Variants in ACTN3 observed in about 807,000 individuals in gnomAD.
The protein encoded by ACTN3 is alpha-actinin-3.
ACTN3 carries 91 observed loss-of-function variants against 119.6 expected under a neutral mutation model. The observed-to-expected ratio is 0.76, with a 90% CI of 0.64 to 0.91. ACTN3 has a LOEUF of 0.91. Among genes scored for constraint, ACTN3 ranks in the 40% least tolerant of loss-of-function variants. The probability of loss-of-function intolerance (pLI) is 0.00; values close to 1 mark genes in which losing one functional copy is unlikely to be tolerated. For missense variants in ACTN3, 1,221 were observed against 1,215.1 expected, an observed-to-expected ratio of 1.00 and a Z score of -0.07; for synonymous variants, 456 against 478.8, an observed-to-expected ratio of 0.95 and a Z score of 0.62.
intron 19 of ACTN3, 46 bp from the exon 20 acceptor site, chr11:66,562,750 T>C (rs1857811814): frequency 6.4e-7 from 1 of 1,551,432 alleles, no homozygotes; most frequent in African/African-American, 1.4e-5. Flanking sequence ...GGAGCCCTCC[T>C]GGCTTTAGTG....
In ACTN3 at chr11:66,552,024, C is replaced by T. The variant is rs571421589; in HGVS notation, c.382+377C>T. ...CTGGGAGGTGGAGCTTGCAGTGAGCCGAGATCACACCACTGCACTCCAGCC... is the reference window on the plus strand; with the variant it reads ...CTGGGAGGTGGAGCTTGCAGTGAGCTGAGATCACACCACTGCACTCCAGCC... On this transcript the variant is annotated intron_variant, in intron 3 of 20. Transcript: ENST00000513398. 1.1e-4 allele frequency among the ~76,000 whole-genome samples: 16 copies of T among 148,968 alleles called. No individual in the cohort carries two copies. The East Asian group carries it at 2.2e-3, about 20-fold the overall frequency.
At chr11:66,553,577 A>G (rs1336386272) in intron 3 of ACTN3, among the ~76,000 whole-genome samples, 1 of 151,416 alleles carries the variant, frequency 6.6e-6, no homozygotes, top group East Asian at 1.9e-4. Flanking sequence ...AAAAAAAAAG[A>G]AAAGAAAAAG....
In ACTN3 at chr11:66,559,329, A is replaced by G; in HGVS notation, c.1370A>G (p.Asp457Gly). 1 of 1,576,804 alleles carries G rather than the reference A, an allele frequency of 6.3e-7. No individual in the cohort carries two copies. The highest frequency in any genetic ancestry group is 8.6e-7 in the Non-Finnish European group (1 of 1,164,000). ...LLRRHEAFESDLAAHQDRVEH... is the reference protein window; with the variant it reads ...LLRRHEAFESGLAAHQDRVEH... ...CGGCGCCACGAGGCCTTTGAGAGCG[A>G]CCTGGCGGCGCACCAGGACCGCGTG... The change falls in exon 12 of 21, where the codon GAC (aspartate) becomes GGC (glycine). Residue 457 changes from aspartate to glycine, a missense_variant. Asp to Gly is a moderately conservative substitution (Grantham distance 94, BLOSUM62 -1). Around this residue, in one of 3 missense-constraint regions of ACTN3, gnomAD observed 934 missense variants for 899.9 expected, o/e 1.04. Transcript: ENST00000513398.
chr11:66,553,506 G>A (rs142627911), intron 3 of ACTN3, among the ~76,000 whole-genome samples: 1,939 of 151,892 alleles, frequency 0.013, 46 homozygotes, highest in African/African-American at 0.045. Flanking sequence ...AGTGAGCTGA[G>A]ATTGCACCAC....
intron 3 of ACTN3, among the ~76,000 whole-genome samples, chr11:66,552,594 C>A (rs532059053): frequency 6.6e-6 from 1 of 151,954 alleles, no homozygotes; most frequent in South Asian, 2.1e-4. Flanking sequence ...CAGTGGCTCA[C>A]CCCTGTATTC....
At position 66,559,823 on chromosome 11, in the gene ACTN3, T is replaced by G. The variant is rs563373202; in HGVS notation, c.1428-145T>G. Reference sequence around the variant, plus strand: ...AGGGATGCGCTGGTACCGCCCCTCTTGGAAAGCACCCAGCTTTACCCACCA... The same window carrying G: ...AGGGATGCGCTGGTACCGCCCCTCTGGGAAAGCACCCAGCTTTACCCACCA... On this transcript the variant is annotated intron_variant, in intron 12 of 20. Transcript: ENST00000513398. The G allele has an allele frequency of 5.7e-5, 47 of 820,480 alleles. No homozygotes were observed. In the South Asian group the frequency reaches 7.4e-4, roughly 13 times the overall value. 50.8% of individuals were successfully genotyped at this position (820,480 alleles called of 1,614,324 possible).
chr11:66,552,930 C>T (rs1857509988), intron 3 of ACTN3, among the ~76,000 whole-genome samples: 2 of 149,604 alleles, frequency 1.3e-5, no homozygotes, highest in South Asian at 4.2e-4. Flanking sequence ...AACTCCATCT[C>T]AAAAAATTCC....
At position 66,562,261 on chromosome 11, in the gene ACTN3, A is replaced by G. The variant is rs540874; in HGVS notation, c.2327A>G (p.Gln776Arg). The G allele has an allele frequency of 0.56, 895,474 of 1,613,402 alleles. 253,659 individuals are homozygous for G. The highest frequency in any genetic ancestry group is 0.8 in the African/African-American group (59,697 of 74,872). Residue 776 changes from glutamine to arginine, a missense_variant, in exon 19 of 21, where the codon CAG (glutamine) becomes CGG (arginine). Physicochemically the swap from Gln to Arg is conservative, Grantham distance 43. Around this residue, in one of 3 missense-constraint regions of ACTN3, gnomAD observed 934 missense variants for 899.9 expected, o/e 1.04. Coordinates refer to ENST00000513398, the MANE Select transcript of ACTN3 (RefSeq NM_001104.4). ...ATAACCACTCACCCCCTACAGAAGC[A>G]GAATGGGATGATGGAGCCTGATGAC... Reference protein sequence around the residue: ...RASFNHFDRKQNGMMEPDDFR... With the variant: ...RASFNHFDRKRNGMMEPDDFR...
At chr11:66,555,460 G>A in intron 7 of ACTN3, 93 bp downstream of exon 7, 1 of 1,344,016 alleles carries the variant, frequency 7.4e-7, no homozygotes, top group East Asian at 2.3e-5. Context: ...TCCTCCTCCT[G>A]GGATGCTCCG....
chr11:66,554,580 A>T lies in ACTN3; in HGVS notation c.514A>T (p.Thr172Ser). The part of the protein sequence containing the change: ...EGLLLWCQRK[T>S]APYRNVNVQN... The stretch of plus-strand genomic sequence containing the variant: ...CTTGCTTCTGTGGTGCCAGAGGAAG[A>T]CAGCACCGTACCGCAACGTCAACGT... Residue 172 changes from threonine to serine, a missense_variant, in exon 5 of 21, where the codon ACA becomes TCA. By Grantham distance (58) the Thr-to-Ser change is moderately conservative. Around this residue, in one of 3 missense-constraint regions of ACTN3, gnomAD observed 239 missense variants for 231.8 expected, o/e 1.03. Coordinates refer to ENST00000513398, the MANE Select transcript of ACTN3 (RefSeq NM_001104.4). 1.2e-6 allele frequency: 2 copies of T among 1,612,772 alleles called. No homozygotes were observed. The highest frequency in any genetic ancestry group is 2.2e-5 in the South Asian group (2 of 90,758).
Position 66,551,247 on chromosome 11 carries a change from T to A in ACTN3, c.156T>A (p.Thr52=), listed in dbSNP as rs772926013. 1 of 1,609,398 alleles carries A rather than the reference T, an allele frequency of 6.2e-7. No individual in the cohort carries two copies. Among genetic ancestry groups the A allele is most frequent in the East Asian group, 2.2e-5 (1 of 44,732 alleles). The change falls in exon 2 of 21, where the codon ACT becomes ACA. Residue 52 remains threonine, a synonymous_variant. Coordinates refer to ENST00000513398, the MANE Select transcript of ACTN3 (RefSeq NM_001104.4). ...AWEKQQRKTF[T]AWCNSHLRKA... ...CTGTCCTCTGCCCCTAGACCTTCAC[T>A]GCCTGGTGCAACTCACACCTGCGCA...
chr11:66,547,330 C>T (rs530081326), intron 1 of ACTN3, among the ~76,000 whole-genome samples: 2 of 152,320 alleles, frequency 1.3e-5, no homozygotes, highest in East Asian at 3.9e-4. Flanking sequence ...GTTCATTCCC[C>T]TGGGCCCACT....
chr11:66,546,937 G>A lies in ACTN3; in HGVS notation c.-1G>A. On this transcript the variant is annotated 5_prime_UTR_variant, in exon 1 of 21. Transcript: ENST00000513398. ...GGAGCGAAGCCAGGAGCCCGATCGA[G>A]ATGATGATGGTTATGCAGCCCGAGG... The A allele has an allele frequency of 6.5e-7, 1 of 1,539,390 alleles. No individual in the cohort carries two copies. Among genetic ancestry groups the A allele is most frequent in the Non-Finnish European group, 8.7e-7 (1 of 1,148,008 alleles).
intron 9 of ACTN3, 43 bp downstream of exon 9, chr11:66,557,268 C>T (rs755802867): frequency 1.3e-6 from 2 of 1,530,926 alleles, no homozygotes; most frequent in African/African-American, 2.8e-5. Context: ...CCCAGCCCTA[C>T]TGGCTCTCCC....
intron 8 of ACTN3, among the ~76,000 whole-genome samples, 193 bp downstream of exon 8, chr11:66,556,423 A>T (rs1455294549): frequency 6.6e-6 from 1 of 151,992 alleles, no homozygotes; most frequent in Admixed American, 6.6e-5. Flanking sequence ...TGCTCCCCCA[A>T]TCCCTTTCCC....
intron 4 of ACTN3, 28 bp from the exon 5 acceptor site, chr11:66,554,508 T>C: frequency 6.4e-7 from 1 of 1,554,056 alleles, no homozygotes; most frequent in Non-Finnish European, 8.7e-7. Flanking sequence ...CCCTTCCCAA[T>C]GAATCCTCCC....
At position 66,554,093 on chromosome 11, in the gene ACTN3, T is replaced by G; in HGVS notation, c.431T>G (p.Ile144Ser). The G allele has an allele frequency of 6.2e-7, 1 of 1,613,834 alleles. No individual in the cohort carries two copies. Among genetic ancestry groups the G allele is most frequent in the African/African-American group, 1.3e-5 (1 of 74,958 alleles). ...ATGACCCTGGGCATGATCTGGACCA[T>G]CATCCTTCGCTTCGCCATCCAGGAC... ...LKMTLGMIWTIILRFAIQDIS... is the reference protein window; with the variant it reads ...LKMTLGMIWTSILRFAIQDIS... The change falls in exon 4 of 21, where the codon ATC (isoleucine) becomes AGC (serine). Residue 144 changes from isoleucine to serine, a missense_variant. Physicochemically the swap from Ile to Ser is moderately radical, Grantham distance 142. Coordinates refer to ENST00000513398, the MANE Select transcript of ACTN3 (RefSeq NM_001104.4).
chr11:66,553,377 A>C (rs1373497954), intron 3 of ACTN3, among the ~76,000 whole-genome samples: 1 of 151,618 alleles, frequency 6.6e-6, no homozygotes, highest in African/African-American at 2.4e-5. Context: ...AACATGGTGA[A>C]ACCCCATCTC....
chr11:66,548,516 G>C (rs574570955), intron 1 of ACTN3, among the ~76,000 whole-genome samples: 3 of 152,278 alleles, frequency 2.0e-5, no homozygotes, highest in Admixed American at 2.0e-4. Context: ...TCATTCAATG[G>C]CTGGCACAGC....
Sources: gnomAD v4.1 joint callset for allele counts (sites outside exome capture counted in the v4.1 genomes callset) on GRCh38, gnomAD v4.1.1 for gene constraint, gnomAD v4.1.1 regional missense constraint, MANE v1.5 for transcripts, NCBI Gene and HGNC (gene_info 2026-07-23, HGNC 2026-07-21) for gene names.